SASH1: variants seen among roughly 807,000 people sequenced by gnomAD.
SASH1 encodes the protein SAM and SH3 domain containing 1, also known as SAM and SH3 domain-containing protein 1.
Under a neutral mutation model 125.2 loss-of-function variants are expected in SASH1, and 44 were observed. That is an observed-to-expected ratio of 0.35 (90% confidence interval 0.28 to 0.45). SASH1 has a LOEUF of 0.45. SASH1 is among the 20% of genes least tolerant of loss of function. The pLI, the probability that SASH1 is intolerant of heterozygous loss-of-function variation, is 1.00. For synonymous variants in SASH1, 639 were observed against 649.1 expected (o/e 0.98, Z 0.24); for missense variants, 1,426 against 1,614.5 (o/e 0.88, Z 2.00).
intron 6 of SASH1, among the ~76,000 whole-genome samples, chr6:148,473,161 T>C (rs1039299682): frequency 6.6e-6 from 1 of 152,232 alleles, no homozygotes; most frequent in Admixed American, 6.5e-5. Flanking sequence ...TTTATGACAA[T>C]AATACTTTCA....
intron 1 of SASH1, among the ~76,000 whole-genome samples, chr6:148,290,283 C>T (rs1420800960): frequency 6.6e-6 from 1 of 151,880 alleles, no homozygotes; most frequent in African/African-American, 2.4e-5. Flanking sequence ...AATTTCTCTT[C>T]TCTCTCCCAG....
the SASH1 span, among the ~76,000 whole-genome samples, chr6:148,267,042 C>T: frequency 4.6e-5 from 7 of 152,130 alleles, no homozygotes; most frequent in Non-Finnish European, 8.8e-5. Flanking sequence ...GAGTGGTCCT[C>T]CATCAAACTA....
intron 4 of SASH1, among the ~76,000 whole-genome samples, chr6:148,466,063 C>T (rs1777824552): frequency 6.6e-6 from 1 of 152,118 alleles, no homozygotes; most frequent in African/African-American, 2.4e-5. Flanking sequence ...TCCTAAAAGC[C>T]TTGCAGGTAA....
chr6:148,322,912 T>TCTTTCTTTCTCTC (rs1554234526), intron 1 of SASH1, among the ~76,000 whole-genome samples: 1,593 of 118,324 alleles, frequency 0.013, 75 homozygotes, highest in Non-Finnish European at 0.019. Flanking sequence ...CTCTCTTTCT[T>TCTTTCTTTCTCTC]TCTTTTTTCT....
In SASH1 at chr6:148,519,992, C is replaced by A. The variant is rs1780708896; in HGVS notation, c.1209+99C>A. The A allele has an allele frequency of 2.5e-6, 2 of 785,128 alleles. No homozygotes were observed. Among genetic ancestry groups the A allele is most frequent in the African/African-American group, 3.5e-5 (2 of 57,250 alleles). The allele number at this position is 785,128 out of a possible 1,614,324, so 48.6% of individuals were successfully genotyped here. A position where few individuals can be genotyped will look rare whatever the true frequency, so the allele number is the denominator to read the frequency against. The stretch of plus-strand genomic sequence containing the variant: ...TTCAGAGTGTCCGGAAGCAAATCCG[C>A]TTGAAGAAAACGGATACTAATTATT... On this transcript the variant is annotated intron_variant, in intron 10 of 19. Coordinates refer to ENST00000367467, the MANE Select transcript of SASH1 (RefSeq NM_015278.5). The surrounding 1 kb of genome is among the most constrained non-coding windows in gnomAD (Gnocchi z 4.8).
chr6:148,312,321 A>G (rs957961350), intron 1 of SASH1, among the ~76,000 whole-genome samples: 1 of 152,158 alleles, frequency 6.6e-6, no homozygotes, highest in African/African-American at 2.4e-5. Flanking sequence ...AAAAGAAGCA[A>G]TACTCTAGAT....
intron 4 of SASH1, among the ~76,000 whole-genome samples, chr6:148,458,252 A>C (rs1448773001): frequency 6.6e-6 from 1 of 152,226 alleles, no homozygotes. Flanking sequence ...AGGCATGTAG[A>C]TGGAGTAAAT....
At chr6:148,267,792 C>A (rs1428977530), upstream of SASH1, among the ~76,000 whole-genome samples, 1 of 152,144 alleles carries the variant, frequency 6.6e-6, no homozygotes, top group African/African-American at 2.4e-5. Flanking sequence ...CAGAGTCCCA[C>A]CATACCTGCA....
intron 1 of SASH1, among the ~76,000 whole-genome samples, chr6:148,387,094 T>TCTCTCC: frequency 6.7e-6 from 1 of 149,538 alleles, no homozygotes; most frequent in South Asian, 2.1e-4. Flanking sequence ...TCTCTCTCTC[T>TCTCTCC]CTCTCCTTCC....
At chr6:148,375,964 C>G (rs910108839) in intron 1 of SASH1, among the ~76,000 whole-genome samples, 4 of 152,184 alleles carry the variant, frequency 2.6e-5, no homozygotes, top group Non-Finnish European at 5.9e-5. Context: ...ATGCCAGAAG[C>G]TAACTCATGC....
At chr6:148,359,345 A>C (rs528803522) in intron 1 of SASH1, among the ~76,000 whole-genome samples, 42 of 106,408 alleles carry the variant, frequency 3.9e-4, no homozygotes, top group Admixed American at 3.8e-3. Context: ...TTTTTTTAAC[A>C]AATTGAAGGT....
chr6:148,452,584 A>T (rs967461729), intron 4 of SASH1, among the ~76,000 whole-genome samples: 1 of 152,152 alleles, frequency 6.6e-6, no homozygotes. Context: ...CGAATTCTTT[A>T]CGCCTCAGGT....
At chr6:148,501,358 T>C (rs1017086437) in intron 8 of SASH1, among the ~76,000 whole-genome samples, 3 of 152,180 alleles carry the variant, frequency 2.0e-5, no homozygotes, top group Admixed American at 2.0e-4. Context: ...GATGAACACT[T>C]TCATCAGCTC....
At chr6:148,420,419 G>A (rs986299064) in intron 2 of SASH1, among the ~76,000 whole-genome samples, 1 of 152,134 alleles carries the variant, frequency 6.6e-6, no homozygotes, top group African/African-American at 2.4e-5. Flanking sequence ...ATAACCACAT[G>A]CTTTTGTCTG....
intron 2 of SASH1, among the ~76,000 whole-genome samples, chr6:148,409,387 C>A (rs540615502): frequency 1.6e-4 from 25 of 152,320 alleles, no homozygotes; most frequent in African/African-American, 5.8e-4. Flanking sequence ...CTGCGTAAAT[C>A]AACTCTCAAA....
At chr6:148,243,794 G>T in the SASH1 span, among the ~76,000 whole-genome samples, 1 of 152,246 alleles carries the variant, frequency 6.6e-6, no homozygotes, top group South Asian at 2.1e-4. Context: ...TAGTAATTGG[G>T]AGACTATGGA....
intron 1 of SASH1, among the ~76,000 whole-genome samples, chr6:148,385,061 T>C (rs999610831): frequency 6.6e-6 from 1 of 152,222 alleles, no homozygotes; most frequent in African/African-American, 2.4e-5. Flanking sequence ...TTCTGTTGCC[T>C]TTCTTGGCAT....
chr6:148,266,577 G>C, the SASH1 span, among the ~76,000 whole-genome samples: 2 of 152,030 alleles, frequency 1.3e-5, no homozygotes, highest in African/African-American at 4.8e-5. Context: ...CAATTCCAAC[G>C]TAAGAGAAGC....
intron 1 of SASH1, among the ~76,000 whole-genome samples, chr6:148,319,335 C>T (rs371123795): frequency 6.6e-6 from 1 of 151,726 alleles, no homozygotes. Context: ...GCGCCCAGCC[C>T]CATTTATCTT....
Sources: gnomAD v4.1 joint callset for allele counts (sites outside exome capture counted in the v4.1 genomes callset) on GRCh38, gnomAD v4.1.1 for gene constraint, Gnocchi (gnomAD v3.1) non-coding constraint, MANE v1.5 for transcripts, NCBI Gene and HGNC (gene_info 2026-07-23, HGNC 2026-07-21) for gene names.